The following ZNRF2 variants were observed in gnomAD, a reference collection of about 807,000 sequenced individuals.
The protein encoded by ZNRF2 is zinc and ring finger 2, also known as E3 ubiquitin-protein ligase ZNRF2.
In ZNRF2, 16 loss-of-function variants were observed where a neutral mutation model predicts 20.4. That is an observed-to-expected ratio of 0.79 (90% CI 0.53 to 1.19). ZNRF2 has a LOEUF of 1.19. Among genes scored for constraint, ZNRF2 ranks in the 50% most tolerant of loss-of-function variants. The pLI is 0.00. For synonymous variants in ZNRF2, 178 were observed against 144.9 expected, an observed-to-expected ratio of 1.23 and a Z score of -1.64; for missense variants, 363 against 332.4, an observed-to-expected ratio of 1.09 and a Z score of -0.72.
chr7:30,361,118 C>A (rs1156397815), intron 3 of ZNRF2, among the ~76,000 whole-genome samples: 1 of 152,100 alleles, frequency 6.6e-6, no homozygotes, highest in African/African-American at 2.4e-5. Flanking sequence ...CAAATAGATA[C>A]TATTCAGATA....
chr7:30,322,320 G>C (rs1774388387), intron 1 of ZNRF2, among the ~76,000 whole-genome samples: 1 of 152,174 alleles, frequency 6.6e-6, no homozygotes, highest in Non-Finnish European at 1.5e-5. Flanking sequence ...TCGGCATGAG[G>C]TATAATTCTA....
intron 1 of ZNRF2, among the ~76,000 whole-genome samples, chr7:30,299,988 G>C (rs1309381770): frequency 6.6e-6 from 1 of 151,664 alleles, no homozygotes; most frequent in Non-Finnish European, 1.5e-5. Flanking sequence ...TTTTCACTGT[G>C]TTAGCCAGGA....
intron 2 of ZNRF2, among the ~76,000 whole-genome samples, chr7:30,334,030 C>T (rs1025059624): frequency 1.7e-4 from 26 of 152,146 alleles, no homozygotes; most frequent in African/African-American, 5.5e-4. Flanking sequence ...ATTTTTGTTG[C>T]GTTTGCCTTT....
At chr7:30,305,636 A>T (rs900851940) in intron 1 of ZNRF2, among the ~76,000 whole-genome samples, 6 of 152,100 alleles carry the variant, frequency 3.9e-5, no homozygotes, top group African/African-American at 9.7e-5. Context: ...TTTAATGTGG[A>T]CATGTTTTTG....
chr7:30,332,370 TA>T (rs1005170004), intron 2 of ZNRF2, among the ~76,000 whole-genome samples: 74 of 151,856 alleles, frequency 4.9e-4, no homozygotes, highest in Middle Eastern at 3.4e-3. Context: ...TGTTACCTTT[TA>T]AAAAAAAATT....
At chr7:30,292,751 A>T (rs1479049227) in intron 1 of ZNRF2, among the ~76,000 whole-genome samples, 1 of 152,168 alleles carries the variant, frequency 6.6e-6, no homozygotes, top group African/African-American at 2.4e-5. Context: ...GCCCTGAGGC[A>T]TGAGTGTACC....
chr7:30,289,845 G>T, intron 1 of ZNRF2: 1 of 534,204 alleles, frequency 1.9e-6, no homozygotes, highest in Non-Finnish European at 3.8e-6. Flanking sequence ...CCCTGTTGTT[G>T]TAAGATAGTG....
rs1798757001 is a variant in ZNRF2 at position 30,285,420 on chromosome 7, G to A, written c.63G>A (p.Ser21=). The change falls in exon 1 of 5, where the codon TCG becomes TCA. Residue 21 remains serine, a synonymous_variant. Transcript: ENST00000323037. The part of the protein sequence containing the change: ...ANGRTRAYSG[S]DLPSSSSGGA... The stretch of plus-strand genomic sequence containing the variant: ...GCCGCACGCGCGCGTACTCGGGCTC[G>A]GATCTACCTTCCAGTAGCAGCGGAG... 8.1e-7 allele frequency: 1 copy of A among 1,239,850 alleles called. No homozygotes were observed. The highest frequency in any genetic ancestry group is 1.0e-6 in the Non-Finnish European group (1 of 976,984). 76.8% of individuals were successfully genotyped at this position (1,239,850 alleles called of 1,614,324 possible).
intron 3 of ZNRF2, among the ~76,000 whole-genome samples, chr7:30,358,241 A>T (rs1025273361): frequency 3.3e-5 from 5 of 152,234 alleles, no homozygotes; most frequent in Non-Finnish European, 7.3e-5. Flanking sequence ...AGATCAACCT[A>T]TGGAAATAAG....
chr7:30,289,390 G>A (rs1429451507), intron 1 of ZNRF2, among the ~76,000 whole-genome samples: 1 of 152,082 alleles, frequency 6.6e-6, no homozygotes, highest in Non-Finnish European at 1.5e-5. Context: ...TTATGGAATC[G>A]GTCTCAGTTA....
chr7:30,293,567 A>G lies in ZNRF2; in HGVS notation c.469+7741A>G, dbSNP rs1249074361. Reference sequence around the variant, plus strand: ...CAGTTCTTAGAAATTTATCAGCGACATGGGATTGCCAGAAACAAAGATACA... The same window carrying G: ...CAGTTCTTAGAAATTTATCAGCGACGTGGGATTGCCAGAAACAAAGATACA... On this transcript the variant is annotated intron_variant, in intron 1 of 4. Transcript: ENST00000323037. 7.2e-5 allele frequency among the ~76,000 whole-genome samples: 11 copies of G among 152,312 alleles called. No homozygotes were observed. The East Asian group carries it at 2.1e-3, about 29-fold the overall frequency.
chr7:30,322,836 TAGC>T, intron 1 of ZNRF2, among the ~76,000 whole-genome samples: 1 of 152,268 alleles, frequency 6.6e-6, no homozygotes, highest in East Asian at 1.9e-4. Flanking sequence ...AGGACTGTCT[TAGC>T]AGCAAGAAGG....
chr7:30,353,469 A>G (rs956987326), intron 2 of ZNRF2, among the ~76,000 whole-genome samples: 17 of 152,118 alleles, frequency 1.1e-4, no homozygotes, highest in African/African-American at 3.9e-4. Flanking sequence ...AGCATTCTGA[A>G]TTACACTAAA....
chr7:30,328,358 C>T (rs1422733484), intron 2 of ZNRF2, among the ~76,000 whole-genome samples: 2 of 152,142 alleles, frequency 1.3e-5, no homozygotes, highest in African/African-American at 4.8e-5. Flanking sequence ...ATACATTGGG[C>T]CTCTGAATTG....
rs1324548659 is a variant in ZNRF2 at position 30,285,732 on chromosome 7, C to T, written c.375C>T (p.Gly125=). 2 of 1,476,302 alleles carry T rather than the reference C, an allele frequency of 1.4e-6. No homozygotes were observed. The highest frequency in any genetic ancestry group is 1.8e-6 in the Non-Finnish European group (2 of 1,120,684). The allele number at this position is 1,476,302 out of a possible 1,614,324, so 91.5% of individuals were successfully genotyped here. Residue 125 remains glycine, a synonymous_variant, in exon 1 of 5, where the codon GGC becomes GGT. Coordinates refer to ENST00000323037, the MANE Select transcript of ZNRF2 (RefSeq NM_147128.4). ...DSVHSSPEDG[G]GGRDRPVGGS... ...TGCACAGCAGCCCTGAGGACGGCGG[C>T]GGCGGCCGGGACCGGCCGGTGGGCG...
At chr7:30,336,237 C>T (rs929207861) in intron 2 of ZNRF2, among the ~76,000 whole-genome samples, 2 of 152,112 alleles carry the variant, frequency 1.3e-5, no homozygotes, top group Non-Finnish European at 2.9e-5. Flanking sequence ...TTTAAAAGTG[C>T]TCCCCCTCCC....
At position 30,355,881 on chromosome 7, in the gene ZNRF2, T is replaced by G. The variant is rs781542399; in HGVS notation, c.671+48T>G. On this transcript the variant is annotated intron_variant, in intron 3 of 4. Transcript: ENST00000323037. ...AGAGTAAAAGATTGTTCTCACAGTT[T>G]CAGACATTGTAATTAGGGCTGAAAA... 16 of 1,439,270 alleles carry G rather than the reference T, an allele frequency of 1.1e-5. No individual in the cohort carries two copies. The Admixed American group carries it at 2.8e-4, about 25-fold the overall frequency. The allele number at this position is 1,439,270 out of a possible 1,614,324, so 89.2% of individuals were successfully genotyped here.
intron 1 of ZNRF2, among the ~76,000 whole-genome samples, chr7:30,299,810 C>T (rs1341664609): frequency 3.6e-5 from 5 of 138,676 alleles, no homozygotes; most frequent in South Asian, 2.2e-4. Flanking sequence ...GACAGAGTCT[C>T]GCCCTGTTGC....
intron 3 of ZNRF2, among the ~76,000 whole-genome samples, chr7:30,358,516 A>T (rs1295229091): frequency 6.6e-6 from 1 of 152,250 alleles, no homozygotes; most frequent in African/African-American, 2.4e-5. Context: ...ATACTACCTT[A>T]GTCAAATCTC....
Sources: allele counts gnomAD v4.1 joint callset (sites outside exome capture counted in the v4.1 genomes callset), GRCh38; gene constraint gnomAD v4.1.1; transcripts MANE v1.5; gene names NCBI Gene and HGNC (gene_info 2026-07-23, HGNC 2026-07-21).